CSMD1: variants seen among roughly 807,000 people sequenced by gnomAD.
CSMD1 encodes CUB and sushi domain-containing protein 1.
A neutral mutation model predicts 417.5 loss-of-function variants in CSMD1; 213 were observed. The observed-to-expected ratio is 0.51, with a 90% CI of 0.46 to 0.57. The LOEUF (loss-of-function observed/expected upper bound fraction) is 0.57, where lower values mean the gene tolerates loss of function less well. Among genes scored for constraint, CSMD1 ranks in the 20% least tolerant of loss-of-function variants. CSMD1 has a pLI of 0.00. For synonymous variants in CSMD1, 2,862 were observed against 1,736.8 expected, an observed-to-expected ratio of 1.65 and a Z score of -16.11; for missense variants, 6,923 against 4,529.7, an observed-to-expected ratio of 1.53 and a Z score of -15.17.
chr8:3,503,776 T>G (rs988260361), intron 10 of CSMD1, among the ~76,000 whole-genome samples: 3 of 151,992 alleles, frequency 2.0e-5, no homozygotes, highest in Non-Finnish European at 2.9e-5. Context: ...GGTTTCAAAA[T>G]GGCCTAAAAA....
At position 4,142,049 on chromosome 8, in the gene CSMD1, G is replaced by C. The variant is rs1469075088; in HGVS notation, c.416-109950C>G. Among the ~76,000 whole-genome samples the C allele has an allele frequency of 4.2e-5, 5 of 119,960 alleles. 1 individual carries two copies. Among genetic ancestry groups the C allele is most frequent in the African/African-American group, 1.3e-4 (5 of 37,798 alleles). 78.7% of individuals were successfully genotyped at this position (119,960 alleles called of 152,430 possible). A position where few individuals can be genotyped will look rare whatever the true frequency, so the allele number is the denominator to read the frequency against. On this transcript the variant is annotated intron_variant, in intron 3 of 69. Coordinates refer to ENST00000635120, the MANE Select transcript of CSMD1 (RefSeq NM_033225.6). ...ATATTCAAAGATGTTTTAAATGTTTGAATATATAAGTTGAAAAAAAAATAA... is the reference window on the plus strand; with the variant it reads ...ATATTCAAAGATGTTTTAAATGTTTCAATATATAAGTTGAAAAAAAAATAA...
chr8:4,250,470 G>A (rs767312635), intron 3 of CSMD1, among the ~76,000 whole-genome samples: 1 of 152,132 alleles, frequency 6.6e-6, no homozygotes, highest in Non-Finnish European at 1.5e-5. Flanking sequence ...TTGGGTCCAC[G>A]TGACTTGGTA....
At chr8:4,868,850 C>T (rs964490644) in intron 1 of CSMD1, among the ~76,000 whole-genome samples, 1 of 151,188 alleles carries the variant, frequency 6.6e-6, no homozygotes, top group African/African-American at 2.4e-5. Context: ...AAATTGATAA[C>T]CAATTTCAGA....
intron 3 of CSMD1, among the ~76,000 whole-genome samples, chr8:4,122,581 A>G (rs1471291023): frequency 6.6e-6 from 1 of 152,182 alleles, no homozygotes; most frequent in Non-Finnish European, 1.5e-5. Context: ...AGGACATCGC[A>G]TGCCCTACAA....
intron 3 of CSMD1, among the ~76,000 whole-genome samples, chr8:4,359,454 A>AGCCAT (rs1801624694): frequency 6.6e-6 from 1 of 152,226 alleles, no homozygotes; most frequent in Admixed American, 6.5e-5. Flanking sequence ...TTTAAAGCTA[A>AGCCAT]GCCATTCTTT....
chr8:3,687,722 C>T (rs1416340054), intron 7 of CSMD1, among the ~76,000 whole-genome samples: 1 of 152,170 alleles, frequency 6.6e-6, no homozygotes, highest in East Asian at 1.9e-4. Context: ...CCTTTGGAAG[C>T]ACGCTGCTAT....
At chr8:3,140,179 C>T (rs1400410151) in intron 41 of CSMD1, among the ~76,000 whole-genome samples, 4 of 152,176 alleles carry the variant, frequency 2.6e-5, no homozygotes, top group African/African-American at 4.8e-5. Context: ...GCTGGGATTA[C>T]AGGCGTGAGG....
At chr8:2,951,075 T>A (rs1802592769) in intron 66 of CSMD1, 39 bp downstream of exon 66, 1 of 1,589,688 alleles carries the variant, frequency 6.3e-7, no homozygotes, top group East Asian at 2.2e-5. Context: ...GGTCTATTTC[T>A]GCTCACACCA....
At chr8:4,421,911 C>T (rs949841212) in intron 2 of CSMD1, among the ~76,000 whole-genome samples, 1 of 151,888 alleles carries the variant, frequency 6.6e-6, no homozygotes, top group Admixed American at 6.6e-5. Context: ...AAAAGACTGA[C>T]TAAATAATTG....
intron 30 of CSMD1, among the ~76,000 whole-genome samples, chr8:3,207,934 A>G (rs964346402): frequency 6.6e-6 from 1 of 152,156 alleles, no homozygotes; most frequent in African/African-American, 2.4e-5. Flanking sequence ...GAAGGTTTCC[A>G]ATAGAATGCT....
At chr8:3,477,107 T>C (rs1817477447) in intron 11 of CSMD1, among the ~76,000 whole-genome samples, 1 of 152,198 alleles carries the variant, frequency 6.6e-6, no homozygotes, top group African/African-American at 2.4e-5. Context: ...TCTACTTTAC[T>C]GTATATCACT....
intron 7 of CSMD1, among the ~76,000 whole-genome samples, chr8:3,678,563 G>A (rs1285769579): frequency 6.6e-6 from 1 of 152,168 alleles, no homozygotes; most frequent in Non-Finnish European, 1.5e-5. Flanking sequence ...ATGTCTGATT[G>A]GTGTACCTGA....
intron 49 of CSMD1, among the ~76,000 whole-genome samples, chr8:3,060,963 C>T (rs1364197635): frequency 6.6e-6 from 1 of 152,098 alleles, no homozygotes; most frequent in Non-Finnish European, 1.5e-5. Context: ...TGTTTGTTAC[C>T]TCAAAGTGAA....
intron 1 of CSMD1, among the ~76,000 whole-genome samples, chr8:4,969,252 T>G (rs11988336): frequency 0.54 from 82,221 of 151,804 alleles, 22,991 homozygotes; most frequent in African/African-American, 0.63. Context: ...TAAGTTAATG[T>G]TCTATAAGAA....
chr8:4,272,897 G>C (rs540147693), intron 3 of CSMD1, among the ~76,000 whole-genome samples: 1 of 152,242 alleles, frequency 6.6e-6, no homozygotes, highest in South Asian at 2.1e-4. Context: ...TGTAGCTTTA[G>C]CTTCTCATAG....
chr8:3,644,443 A>G (rs1294508564), intron 7 of CSMD1, among the ~76,000 whole-genome samples: 1 of 152,220 alleles, frequency 6.6e-6, no homozygotes, highest in African/African-American at 2.4e-5. Flanking sequence ...TAGGCACGGT[A>G]GAAAGAAAAG....
At chr8:4,835,735 T>C (rs1276115427) in intron 1 of CSMD1, among the ~76,000 whole-genome samples, 1 of 152,000 alleles carries the variant, frequency 6.6e-6, no homozygotes, top group Non-Finnish European at 1.5e-5. Context: ...ACCCAATCTC[T>C]CTCAGGTGGT....
chr8:3,708,251 AAG>A (rs1421263945), intron 7 of CSMD1, among the ~76,000 whole-genome samples, 161 bp downstream of exon 7: 1 of 152,200 alleles, frequency 6.6e-6, no homozygotes, highest in Non-Finnish European at 1.5e-5. Context: ...TAACAAAGTG[AAG>A]TTAGTGCATG....
intron 5 of CSMD1, among the ~76,000 whole-genome samples, chr8:3,783,299 G>A (rs913879381): frequency 2.6e-5 from 4 of 152,204 alleles, no homozygotes; most frequent in African/African-American, 9.7e-5. Flanking sequence ...GAAATACTGG[G>A]ATGGATGGGA....
Sources: gnomAD v4.1 joint callset for allele counts (sites outside exome capture counted in the v4.1 genomes callset) on GRCh38, gnomAD v4.1.1 for gene constraint, MANE v1.5 for transcripts, NCBI Gene and HGNC (gene_info 2026-07-23, HGNC 2026-07-21) for gene names.